Variants in CASD1 observed in about 807,000 individuals in gnomAD.
CASD1 encodes CAS1 domain sialic acid O acetyltransferase 1, also known as N-acetylneuraminate (7)9-O-acetyltransferase.
Under a neutral mutation model 100.0 loss-of-function variants are expected in CASD1, and 41 were observed. The ratio of observed to expected loss-of-function variants is 0.41; its 90% CI spans 0.32 to 0.53. The LOEUF is 0.53. Ranked by LOEUF, CASD1 falls within the 20% of genes least tolerant of loss-of-function variation. The pLI is 0.25. For synonymous variants in CASD1, 321 were observed against 315.6 expected (o/e 1.02, Z -0.18); for missense variants, 774 against 948.7 (o/e 0.82, Z 2.42).
At chr7:94,569,342 T>C in the CASD1 span, among the ~76,000 whole-genome samples, 14 of 152,190 alleles carry the variant, frequency 9.2e-5, no homozygotes, top group African/African-American at 3.1e-4. Context: ...GATGATGTGG[T>C]AACCATGCTA....
chr7:94,620,805 A>T, the CASD1 span: 3 of 152,138 alleles, frequency 2.0e-5, no homozygotes, highest in Non-Finnish European at 2.9e-5. Flanking sequence ...TTGCCACCAC[A>T]CCCCTCAGAG....
chr7:94,551,390 G>A lies in CASD1; in HGVS notation c.1868G>A (p.Arg623His), dbSNP rs150476678. 3.3e-4 allele frequency: 518 copies of A among 1,557,156 alleles called. No individual in the cohort carries two copies. Among genetic ancestry groups the A allele is most frequent in the Non-Finnish European group, 4.0e-4 (469 of 1,158,906 alleles). Reference protein sequence around the residue: ...FAFIYLALQKRQILSEGKGEP... With the variant: ...FAFIYLALQKHQILSEGKGEP... ...TTTATTTATCTGGCTTTGCAGAAGCGTCAAATACTTTCTGAAGGAAAGGGT... is the reference window on the plus strand; with the variant it reads ...TTTATTTATCTGGCTTTGCAGAAGCATCAAATACTTTCTGAAGGAAAGGGT... Residue 623 changes from arginine (R) to histidine (H), a missense_variant, in exon 15 of 18, where the codon CGT (arginine) becomes CAT (histidine). Around this residue, in one of 5 missense-constraint regions of CASD1, gnomAD observed 175 missense variants for 206.9 expected, o/e 0.85. Transcript: ENST00000297273.
the CASD1 span, among the ~76,000 whole-genome samples, chr7:94,591,937 A>T: frequency 6.6e-6 from 1 of 152,204 alleles, no homozygotes. Flanking sequence ...TGTTTGAACA[A>T]TGCTCATGCA....
chr7:94,513,630 CAT>C (rs1793830541), intron 1 of CASD1, among the ~76,000 whole-genome samples: 1 of 152,204 alleles, frequency 6.6e-6, no homozygotes, highest in African/African-American at 2.4e-5. Flanking sequence ...GCAACTTACA[CAT>C]ACTTATTGTG....
the CASD1 span, among the ~76,000 whole-genome samples, chr7:94,604,806 A>AATATATATATATATATAT: frequency 2.3e-5 from 1 of 44,410 alleles, no homozygotes; most frequent in Non-Finnish European, 4.2e-5. Context: ...ATGGTGCTGG[A>AATATATATATATATATAT]ATATATATAT....
intron 16 of CASD1, 52 bp downstream of exon 16, chr7:94,552,479 T>C: frequency 7.0e-7 from 1 of 1,422,382 alleles, no homozygotes. Flanking sequence ...GATAAGAAAA[T>C]GGTTTTTAGA....
At chr7:94,631,567 G>A in the CASD1 span, among the ~76,000 whole-genome samples, 9 of 151,950 alleles carry the variant, frequency 5.9e-5, no homozygotes, top group Admixed American at 6.6e-5. Context: ...TACTACAGTA[G>A]TAGGATTCTG....
chr7:94,598,889 ATC>A, the CASD1 span: 1 of 1,613,048 alleles, frequency 6.2e-7, no homozygotes. Flanking sequence ...GGGCCATGCT[ATC>A]TCTCTATTCT....
intron 3 of CASD1, among the ~76,000 whole-genome samples, chr7:94,523,275 A>G (rs1380066074): frequency 6.6e-6 from 1 of 152,234 alleles, no homozygotes; most frequent in Non-Finnish European, 1.5e-5. Flanking sequence ...AATTCTCTAC[A>G]TAGAAAATCC....
intron 3 of CASD1, 27 bp from the exon 4 acceptor site, chr7:94,527,135 A>C (rs374835602): frequency 1.1e-4 from 180 of 1,567,356 alleles, no homozygotes; most frequent in Non-Finnish European, 1.4e-4. Flanking sequence ...CTATACATTA[A>C]TATTTCTCTG....
chr7:94,587,965 C>G, the CASD1 span: 5 of 1,424,252 alleles, frequency 3.5e-6, no homozygotes, highest in Non-Finnish European at 4.6e-6. Flanking sequence ...ACCCAACTTA[C>G]ATTTTTAAAA....
chr7:94,587,437 A>G, the CASD1 span: 1 of 1,171,884 alleles, frequency 8.5e-7, no homozygotes, highest in Non-Finnish European at 1.1e-6. Flanking sequence ...TAGAAATCTT[A>G]GGCGAGATGG....
the CASD1 span, among the ~76,000 whole-genome samples, chr7:94,571,612 T>C: frequency 1.3e-5 from 2 of 152,270 alleles, no homozygotes; most frequent in Middle Eastern, 6.8e-3. Flanking sequence ...AGGGAAATTG[T>C]TTCCTGGAAA....
chr7:94,630,478 CTATTA>C, the CASD1 span, among the ~76,000 whole-genome samples: 1 of 151,690 alleles, frequency 6.6e-6, no homozygotes, highest in African/African-American at 2.4e-5. Context: ...ACAATATAAT[CTATTA>C]TATTATGCTG....
At chr7:94,564,121 G>C in the CASD1 span, among the ~76,000 whole-genome samples, 1 of 152,144 alleles carries the variant, frequency 6.6e-6, no homozygotes, top group African/African-American at 2.4e-5. Context: ...GAGTATTTTT[G>C]TCTCTTTCAT....
chr7:94,548,050 G>A (rs527239106), intron 13 of CASD1, among the ~76,000 whole-genome samples: 1 of 151,690 alleles, frequency 6.6e-6, no homozygotes, highest in East Asian at 1.9e-4. Flanking sequence ...GATAAATAAG[G>A]AAACAACTAA....
chr7:94,633,781 A>G, the CASD1 span, among the ~76,000 whole-genome samples: 1 of 152,172 alleles, frequency 6.6e-6, no homozygotes, highest in African/African-American at 2.4e-5. Flanking sequence ...GTAAACATTA[A>G]ATTTTGAAAG....
At chr7:94,569,282 A>G in the CASD1 span, among the ~76,000 whole-genome samples, 4 of 152,200 alleles carry the variant, frequency 2.6e-5, no homozygotes, top group Non-Finnish European at 5.9e-5. Flanking sequence ...TGACTGTACA[A>G]TTGATAATTG....
At chr7:94,527,861 T>C (rs1034676295) in intron 4 of CASD1, among the ~76,000 whole-genome samples, 2 of 152,158 alleles carry the variant, frequency 1.3e-5, no homozygotes, top group African/African-American at 4.8e-5. Context: ...ATTCTGCACC[T>C]TGTTAACAAC....
Sources: allele counts gnomAD v4.1 joint callset (sites outside exome capture counted in the v4.1 genomes callset), GRCh38; gene constraint gnomAD v4.1.1; regional missense constraint gnomAD v4.1.1; transcripts MANE v1.5; gene names NCBI Gene and HGNC (gene_info 2026-07-23, HGNC 2026-07-21).